The following C5orf24 variants were observed in gnomAD, a reference collection of about 807,000 sequenced individuals.
C5orf24 encodes chromosome 5 open reading frame 24, also known as UPF0461 protein C5orf24.
A neutral mutation model predicts 9.8 loss-of-function variants in C5orf24; 4 were observed. That is an observed-to-expected ratio of 0.41 (90% CI 0.20 to 0.93). The LOEUF (loss-of-function observed/expected upper bound fraction) is 0.93, where lower values mean the gene tolerates loss of function less well. Ranked by LOEUF, C5orf24 falls within the 40% of genes least tolerant of loss-of-function variation. The pLI is 0.33. For missense variants in C5orf24, 170 were observed against 236.9 expected, an observed-to-expected ratio of 0.72 and a Z score of 1.85; for synonymous variants, 73 against 81.3, an observed-to-expected ratio of 0.90 and a Z score of 0.55.
chr5:134,853,810 C>T lies in C5orf24; in HGVS notation c.-3-1088C>T, dbSNP rs542888817. Among the ~76,000 whole-genome samples the T allele has an allele frequency of 1.6e-4, 24 of 152,210 alleles. No individual in the cohort carries two copies. In the South Asian group the frequency reaches 2.1e-3, roughly 13 times the overall value. On this transcript the variant is annotated intron_variant, in intron 1 of 1. Transcript: ENST00000394976. Reference sequence around the variant, plus strand: ...ACAAATAGGAGGTATTGGCTGGGTGCGGTGGCTCACGCCTGTAATCCCAAC... The same window carrying T: ...ACAAATAGGAGGTATTGGCTGGGTGTGGTGGCTCACGCCTGTAATCCCAAC...
upstream of C5orf24, among the ~76,000 whole-genome samples, chr5:134,841,050 A>G (rs567221173): frequency 2.6e-5 from 4 of 152,238 alleles, no homozygotes; most frequent in East Asian, 7.7e-4. Flanking sequence ...ATGACATTCC[A>G]AGGGTTTAGG....
At chr5:134,836,536 T>C in the C5orf24 span, among the ~76,000 whole-genome samples, 4 of 151,862 alleles carry the variant, frequency 2.6e-5, no homozygotes, top group African/African-American at 4.8e-5. Flanking sequence ...AAGGTTATTG[T>C]TTTTGTTTTT....
chr5:134,835,508 A>G, the C5orf24 span, among the ~76,000 whole-genome samples: 1 of 150,980 alleles, frequency 6.6e-6, no homozygotes, highest in Admixed American at 6.6e-5. Flanking sequence ...TTAGTAGGGC[A>G]TGGTGGCATA....
At chr5:134,834,267 T>G in the C5orf24 span, among the ~76,000 whole-genome samples, 49 of 152,278 alleles carry the variant, frequency 3.2e-4, no homozygotes, top group Non-Finnish European at 6.6e-4. Flanking sequence ...TGGTAGTGAT[T>G]GGATTTTTAG....
At chr5:134,851,114 A>C (rs1032916075) in intron 1 of C5orf24, among the ~76,000 whole-genome samples, 23 of 150,292 alleles carry the variant, frequency 1.5e-4, no homozygotes, top group Non-Finnish European at 2.8e-4. Flanking sequence ...TTTTAGTAGA[A>C]ACAGGGTTTT....
At chr5:134,836,964 T>C in the C5orf24 span, among the ~76,000 whole-genome samples, 46 of 152,234 alleles carry the variant, frequency 3.0e-4, no homozygotes, top group East Asian at 8.5e-3. Context: ...CTTGCTTAAA[T>C]GCTTTATCTG....
At chr5:134,842,996 T>G (rs995165199), upstream of C5orf24, among the ~76,000 whole-genome samples, 13 of 152,134 alleles carry the variant, frequency 8.5e-5, no homozygotes, top group African/African-American at 3.1e-4. Flanking sequence ...TTTTTTTTTT[T>G]TTTGAGACAG....
chr5:134,850,535 C>T (rs948572960), intron 1 of C5orf24, among the ~76,000 whole-genome samples: 3 of 148,818 alleles, frequency 2.0e-5, no homozygotes, highest in Admixed American at 6.7e-5. Flanking sequence ...TGCAATGTTG[C>T]GATCTTGGCT....
chr5:134,845,672 C>T (rs1298415429), upstream of C5orf24: 3 of 152,354 alleles, frequency 2.0e-5, no homozygotes, highest in Admixed American at 1.3e-4. Context: ...TTTATTTGTC[C>T]TGTATCTAAG....
At position 134,855,433 on chromosome 5, in the gene C5orf24, A is replaced by G; in HGVS notation, c.533A>G (p.Glu178Gly). Residue 178 changes from glutamate (E) to glycine (G), a missense_variant, in exon 2 of 2, where the codon GAA (glutamate) becomes GGA (glycine). By Grantham distance (98) the Glu-to-Gly change is moderately conservative. Coordinates refer to ENST00000394976, the MANE Select transcript of C5orf24 (RefSeq NM_001135586.1). Reference sequence around the variant, plus strand: ...GGCAGAGCAGTTCATGGGGTAGAGGAAACTAGCAGTGAAGTCAAACCACCC... The same window carrying G: ...GGCAGAGCAGTTCATGGGGTAGAGGGAACTAGCAGTGAAGTCAAACCACCC... ...MHGRAVHGVE[E>G]TSSEVKPPNE 6.2e-7 allele frequency: 1 copy of G among 1,614,220 alleles called. No individual in the cohort carries two copies. The highest frequency in any genetic ancestry group is 8.5e-7 in the Non-Finnish European group (1 of 1,180,032).
In C5orf24 at chr5:134,855,624, T is replaced by C; in HGVS notation, c.*157T>C. 2.0e-6 allele frequency: 3 copies of C among 1,477,012 alleles called. No individual in the cohort carries two copies. Among genetic ancestry groups the C allele is most frequent in the African/African-American group, 1.4e-5 (1 of 70,166 alleles). The allele number at this position is 1,477,012 out of a possible 1,614,324, so 91.5% of individuals were successfully genotyped here. A position where few individuals can be genotyped will look rare whatever the true frequency, so the allele number is the denominator to read the frequency against. On this transcript the variant is annotated 3_prime_UTR_variant, in exon 2 of 2. Coordinates refer to ENST00000394976, the MANE Select transcript of C5orf24 (RefSeq NM_001135586.1). ...CTGCTTTTGCTCAAAAACTGCCATA[T>C]GCTGACAGATGCACTCAGGGCATGA...
intron 1 of C5orf24, 74 bp from the exon 2 acceptor site, chr5:134,854,824 T>C: frequency 2.7e-6 from 4 of 1,508,632 alleles, no homozygotes; most frequent in Non-Finnish European, 2.7e-6. Flanking sequence ...CAGACTGTTT[T>C]CTCACTGAAT....
chr5:134,834,464 C>T, the C5orf24 span, among the ~76,000 whole-genome samples: 3 of 152,188 alleles, frequency 2.0e-5, no homozygotes, highest in Admixed American at 1.3e-4. Context: ...CAAAAGTATA[C>T]TGTTAACTTT....
chr5:134,848,262 G>A (rs1461971248), intron 1 of C5orf24, among the ~76,000 whole-genome samples: 1 of 152,092 alleles, frequency 6.6e-6, no homozygotes, highest in Non-Finnish European at 1.5e-5. Flanking sequence ...AGTGAGCCAA[G>A]ATCGGGCCAC....
intron 1 of C5orf24, among the ~76,000 whole-genome samples, chr5:134,851,047 C>T (rs1405907467): frequency 6.7e-6 from 1 of 149,832 alleles, no homozygotes; most frequent in African/African-American, 2.5e-5. Flanking sequence ...TGTTACCCTC[C>T]TGGTAAGTCA....
the C5orf24 span, among the ~76,000 whole-genome samples, chr5:134,834,106 A>G: frequency 6.6e-6 from 1 of 152,238 alleles, no homozygotes; most frequent in East Asian, 1.9e-4. Context: ...TTAAAAAACT[A>G]ATCATTTTTA....
At position 134,857,383 on chromosome 5, in the gene C5orf24, TC is replaced by T; in HGVS notation, c.*1918del. 6.5e-7 allele frequency: 1 copy of T among 1,548,568 alleles called. No individual in the cohort carries two copies. The highest frequency in any genetic ancestry group is 1.2e-5 in the South Asian group (1 of 83,870). On this transcript the variant is annotated 3_prime_UTR_variant, in exon 2 of 2. Transcript: ENST00000394976. Reference sequence around the variant, plus strand: ...AAAAAAGCAGCAAGCCTTCAGGTGTTCCAGTGATGCCTGACACAATTGAGCT... The same window carrying T: ...AAAAAAGCAGCAAGCCTTCAGGTGTTCAGTGATGCCTGACACAATTGAGCT...
the C5orf24 span, among the ~76,000 whole-genome samples, chr5:134,834,907 A>G: frequency 1.3e-5 from 2 of 152,122 alleles, no homozygotes; most frequent in Admixed American, 6.5e-5. Context: ...TAGCCGGTGT[A>G]GTGGCATGTG....
intron 1 of C5orf24, among the ~76,000 whole-genome samples, chr5:134,852,033 C>T (rs1756174922): frequency 2.6e-5 from 4 of 152,178 alleles, no homozygotes; most frequent in Admixed American, 2.0e-4. Context: ...CTCTGCCTCC[C>T]GGGTTCAACC....
Sources: allele counts gnomAD v4.1 joint callset (sites outside exome capture counted in the v4.1 genomes callset), GRCh38; gene constraint gnomAD v4.1.1; transcripts MANE v1.5; gene names NCBI Gene and HGNC (gene_info 2026-07-23, HGNC 2026-07-21).